The following CUEDC1 variants were observed in gnomAD, a reference collection of about 807,000 sequenced individuals.
The protein encoded by CUEDC1 is CUE domain-containing protein 1.
A neutral mutation model predicts 43.7 loss-of-function variants in CUEDC1; 30 were observed. The ratio of observed to expected loss-of-function variants is 0.69; its 90% CI spans 0.51 to 0.93. CUEDC1 has a LOEUF of 0.93. Among genes scored for constraint, CUEDC1 ranks in the 40% least tolerant of loss-of-function variants. CUEDC1 has a pLI of 0.00. For synonymous variants in CUEDC1, 223 were observed against 223.6 expected (o/e 1.00, Z 0.02); for missense variants, 486 against 549.0 (o/e 0.89, Z 1.15).
chr17:57,941,031 A>G (rs1158403741), intron 1 of CUEDC1, among the ~76,000 whole-genome samples: 1 of 151,878 alleles, frequency 6.6e-6, no homozygotes, highest in African/African-American at 2.4e-5. Flanking sequence ...GGCTCTACCA[A>G]CTCTACTCCT....
At chr17:57,938,278 G>A (rs1359553731) in intron 1 of CUEDC1, among the ~76,000 whole-genome samples, 1 of 152,154 alleles carries the variant, frequency 6.6e-6, no homozygotes, top group East Asian at 1.9e-4. Flanking sequence ...ATAAATACAC[G>A]TTTACTCTCT....
chr17:57,920,715 T>C (rs1003601683), intron 1 of CUEDC1, among the ~76,000 whole-genome samples: 2 of 148,196 alleles, frequency 1.3e-5, no homozygotes, highest in Non-Finnish European at 3.0e-5. Context: ...CACTGCAAAC[T>C]CCACCTCCTG....
chr17:57,918,820 G>C (rs527636149), intron 1 of CUEDC1, among the ~76,000 whole-genome samples: 38 of 152,174 alleles, frequency 2.5e-4, no homozygotes, highest in Non-Finnish European at 4.3e-4. Flanking sequence ...TCCACTTAAA[G>C]TTATGATAAA....
intron 2 of CUEDC1, among the ~76,000 whole-genome samples, chr17:57,882,823 T>G (rs1429478931): frequency 6.6e-6 from 1 of 152,236 alleles, no homozygotes; most frequent in Admixed American, 6.5e-5. Flanking sequence ...ATTGTAGGAA[T>G]ACAGTATATG....
intron 1 of CUEDC1, among the ~76,000 whole-genome samples, chr17:57,949,287 A>G (rs2074984086): frequency 6.6e-6 from 1 of 152,204 alleles, no homozygotes; most frequent in Non-Finnish European, 1.5e-5. Flanking sequence ...ATTCCAGGCT[A>G]ACATGTTTGT....
intron 1 of CUEDC1, among the ~76,000 whole-genome samples, chr17:57,950,368 G>T (rs1366504110): frequency 6.6e-6 from 1 of 152,100 alleles, no homozygotes; most frequent in African/African-American, 2.4e-5. Flanking sequence ...GCCCAGGTTG[G>T]TCTTCAACTC....
chr17:57,951,530 C>T (rs1194107265), intron 1 of CUEDC1, among the ~76,000 whole-genome samples: 2 of 152,088 alleles, frequency 1.3e-5, no homozygotes, highest in African/African-American at 4.8e-5. Flanking sequence ...GCAATCTCAG[C>T]TCACTGCAAC....
chr17:57,861,312 C>T lies in CUEDC1; in HGVS notation c.*1977G>A, dbSNP rs895585531. ...GAGCTTTCTCAACAGACTGGCTTTC[C>T]CCATGGTGTTTCCCTTGCCTGATAC... On this transcript the variant is annotated 3_prime_UTR_variant, in exon 11 of 11. Coordinates refer to ENST00000577830, the MANE Select transcript of CUEDC1 (RefSeq NM_001271875.2). 1 of 152,236 alleles carries T rather than the reference C, an allele frequency of 6.6e-6. No individual in the cohort carries two copies. Among genetic ancestry groups the T allele is most frequent in the Admixed American group, 6.5e-5 (1 of 15,280 alleles). 9.4% of individuals were successfully genotyped at this position (152,236 alleles called of 1,614,324 possible).
rs572610972 is a variant in CUEDC1 at position 57,910,884 on chromosome 17, C to G, written c.-315-25005G>C. 2.7e-4 allele frequency among the ~76,000 whole-genome samples: 41 copies of G among 152,188 alleles called. No homozygotes were observed. In the South Asian group the frequency reaches 8.3e-3, roughly 31 times the overall value. ...GTGTCACCAGGCCTTCACAGTACCCCCTGGCTTTGCTCTGTTACCATGGCC... is the reference window on the plus strand; with the variant it reads ...GTGTCACCAGGCCTTCACAGTACCCGCTGGCTTTGCTCTGTTACCATGGCC... On this transcript the variant is annotated intron_variant, in intron 1 of 10. Coordinates refer to ENST00000577830, the MANE Select transcript of CUEDC1 (RefSeq NM_001271875.2).
At chr17:57,905,376 G>T (rs771611567) in intron 1 of CUEDC1, among the ~76,000 whole-genome samples, 1 of 152,104 alleles carries the variant, frequency 6.6e-6, no homozygotes, top group Non-Finnish European at 1.5e-5. Context: ...CGCGCTGCCT[G>T]CGTGCTGAGG....
At chr17:57,893,833 C>T (rs184185426) in intron 1 of CUEDC1, among the ~76,000 whole-genome samples, 4 of 152,324 alleles carry the variant, frequency 2.6e-5, no homozygotes, top group South Asian at 2.1e-4. Context: ...CAGTGGCTCA[C>T]GCCTGTAATC....
intron 10 of CUEDC1, among the ~76,000 whole-genome samples, chr17:57,863,918 T>C (rs1667062177): frequency 6.7e-6 from 1 of 149,516 alleles, no homozygotes; most frequent in Non-Finnish European, 1.5e-5. Flanking sequence ...GGAGAATGGC[T>C]TGAACTTGAG....
chr17:57,947,660 T>C (rs566144145), intron 1 of CUEDC1, among the ~76,000 whole-genome samples: 1 of 151,700 alleles, frequency 6.6e-6, no homozygotes, highest in Non-Finnish European at 1.5e-5. Context: ...AATTAGCTGT[T>C]TGTGATGGCG....
chr17:57,952,024 C>T (rs968806508), intron 1 of CUEDC1, among the ~76,000 whole-genome samples: 4 of 152,212 alleles, frequency 2.6e-5, no homozygotes, highest in African/African-American at 7.2e-5. Context: ...GCATCCTGAA[C>T]TCACCAACCC....
chr17:57,926,608 C>G (rs971006596), intron 1 of CUEDC1, among the ~76,000 whole-genome samples: 2 of 152,084 alleles, frequency 1.3e-5, no homozygotes, highest in East Asian at 3.8e-4. Flanking sequence ...GCCTGGACAA[C>G]ATAGCAAGAC....
At chr17:57,917,216 C>A (rs1301225834) in intron 1 of CUEDC1, among the ~76,000 whole-genome samples, 1 of 130,338 alleles carries the variant, frequency 7.7e-6, no homozygotes, top group African/African-American at 3.4e-5. Flanking sequence ...GGGGCAGCCT[C>A]ATCTCCCCCA....
At chr17:57,883,957 C>T (rs1335295335) in intron 2 of CUEDC1, among the ~76,000 whole-genome samples, 3 of 152,128 alleles carry the variant, frequency 2.0e-5, no homozygotes, top group East Asian at 3.9e-4. Context: ...TACTGGGTGG[C>T]CAGATGTCCA....
At chr17:57,890,902 G>T (rs2074347938) in intron 1 of CUEDC1, among the ~76,000 whole-genome samples, 1 of 152,200 alleles carries the variant, frequency 6.6e-6, no homozygotes, top group Non-Finnish European at 1.5e-5. Context: ...TGGGGAAATT[G>T]TTTCATTTCT....
At chr17:57,874,700 G>A (rs1247738786) in intron 3 of CUEDC1, among the ~76,000 whole-genome samples, 2 of 152,342 alleles carry the variant, frequency 1.3e-5, no homozygotes, top group South Asian at 2.1e-4. Flanking sequence ...GCAGCCGAGG[G>A]CCGGGCGGTG....
Sources: gnomAD v4.1 joint callset for allele counts (sites outside exome capture counted in the v4.1 genomes callset) on GRCh38, gnomAD v4.1.1 for gene constraint, MANE v1.5 for transcripts, NCBI Gene and HGNC (gene_info 2026-07-23, HGNC 2026-07-21) for gene names.